The following USP16 variants were observed in gnomAD, a reference collection of about 807,000 sequenced individuals.
USP16 encodes ubiquitin carboxyl-terminal hydrolase 16.
A neutral mutation model predicts 95.9 loss-of-function variants in USP16; 77 were observed. The observed-to-expected ratio is 0.80, with a 90% CI of 0.67 to 0.97. The LOEUF is 0.97. USP16 is among the 50% of genes least tolerant of loss of function. The pLI, the probability that USP16 is intolerant of heterozygous loss-of-function variation, is 0.00. For synonymous variants in USP16, 303 were observed against 318.2 expected (o/e 0.95, Z 0.51); for missense variants, 943 against 959.9 (o/e 0.98, Z 0.23).
rs78364520 is a variant in USP16, at chr21:29,044,968, C to T, written c.1356+1369C>T. Among the ~76,000 whole-genome samples the T allele has an allele frequency of 8.5e-5, 13 of 152,210 alleles. No individual in the cohort carries two copies. The East Asian group carries it at 2.5e-3, about 29-fold the overall frequency. ...TGTAGTTTTGGTTGATACTAATTGTCCTTCACAAAGGTTGCTCCTGACCCT... is the reference window on the plus strand; with the variant it reads ...TGTAGTTTTGGTTGATACTAATTGTTCTTCACAAAGGTTGCTCCTGACCCT... On this transcript the variant is annotated intron_variant, in intron 13 of 17. Transcript: ENST00000399976.
Position 29,046,652 on chromosome 21 carries a change from A to T in USP16, c.1357-15A>T, listed in dbSNP as rs184092493. On this transcript the variant is annotated splice_polypyrimidine_tract_variant and intron_variant, in intron 13 of 17. Coordinates refer to ENST00000399976, the MANE Select transcript of USP16 (RefSeq NM_006447.3). The stretch of plus-strand genomic sequence containing the variant: ...CTTTTTCTTTATTTTTTGATGCCGT[A>T]TACTTTTTACCCAGAACCAACGAAG... 8.9e-6 allele frequency: 14 copies of T among 1,580,284 alleles called. No homozygotes were observed. In the East Asian group the frequency reaches 2.2e-4, roughly 25 times the overall value.
intron 13 of USP16, 60 bp from the exon 14 acceptor site, chr21:29,046,607 C>G: frequency 6.7e-7 from 1 of 1,500,980 alleles, no homozygotes; most frequent in Non-Finnish European, 8.9e-7. Flanking sequence ...ATCTCTCTTC[C>G]TCCTTTTCTC....
chr21:29,036,685 A>T (rs1349587756), intron 5 of USP16, among the ~76,000 whole-genome samples: 1 of 152,244 alleles, frequency 6.6e-6, no homozygotes, highest in Non-Finnish European at 1.5e-5. Flanking sequence ...ACATTTTGTA[A>T]TAGCAAGATT....
rs572886657 is a variant in USP16, at chr21:29,051,326, T to C, written c.2193+1148T>C. 2.0e-4 allele frequency among the ~76,000 whole-genome samples: 31 copies of C among 152,334 alleles called. 1 individual carries two copies. In the South Asian group the frequency reaches 6.4e-3, roughly 32 times the overall value. On this transcript the variant is annotated intron_variant, in intron 16 of 17. Transcript: ENST00000399976. ...TTTGGATATACATATCTGAGACCTA[T>C]AGCAGAGAGGTTAGGATGGGCCCAG...
chr21:29,043,192 C>T (rs908051838), intron 12 of USP16: 1 of 299,090 alleles, frequency 3.3e-6, no homozygotes, highest in East Asian at 5.4e-5. Flanking sequence ...ATTACACTTA[C>T]ATGTGATGTT....
intron 15 of USP16, among the ~76,000 whole-genome samples, chr21:29,049,781 G>A (rs2085386241): frequency 6.6e-6 from 1 of 152,090 alleles, no homozygotes; most frequent in African/African-American, 2.4e-5. Context: ...GGCTGATCTC[G>A]AACTCCTGGG....
chr21:29,053,574 G>C, intron 16 of USP16: 1 of 436,454 alleles, frequency 2.3e-6, no homozygotes, highest in Non-Finnish European at 4.0e-6. Flanking sequence ...TGCATCAAGT[G>C]GCCTGTGGCT....
chr21:29,024,679 G>T lies in USP16; in HGVS notation c.-140G>T. ...GCTTTCCAGGGGTCACTCTGGCTTCGACTCCGTCGCTCTCAATTCGTCACC... is the reference window on the plus strand; with the variant it reads ...GCTTTCCAGGGGTCACTCTGGCTTCTACTCCGTCGCTCTCAATTCGTCACC... On this transcript the variant is annotated 5_prime_UTR_variant, in exon 1 of 18. Coordinates refer to ENST00000399976, the MANE Select transcript of USP16 (RefSeq NM_006447.3). 7.8e-7 allele frequency: 1 copy of T among 1,286,238 alleles called. No individual in the cohort carries two copies. Among genetic ancestry groups the T allele is most frequent in the Non-Finnish European group, 1.0e-6 (1 of 986,026 alleles). 79.7% of individuals were successfully genotyped at this position (1,286,238 alleles called of 1,614,324 possible). A position where few individuals can be genotyped will look rare whatever the true frequency, so the allele number is the denominator to read the frequency against.
chr21:29,038,322 C>G lies in USP16; in HGVS notation c.637-13C>G, dbSNP rs1342885825. 5 of 1,551,010 alleles carry G rather than the reference C, an allele frequency of 3.2e-6. No homozygotes were observed. ...AAATAATTTTTCTCTTTTTTTTTCA[C>G]CCTACATTCTAGAACTTGTCACAAA... is the stretch of plus-strand genomic sequence containing the variant. On this transcript the variant is annotated splice_polypyrimidine_tract_variant and intron_variant, in intron 6 of 17. Coordinates refer to ENST00000399976, the MANE Select transcript of USP16 (RefSeq NM_006447.3).
chr21:29,027,900 C>T lies in USP16; in HGVS notation c.-14C>T. 6.2e-7 allele frequency: 1 copy of T among 1,613,106 alleles called. No individual in the cohort carries two copies. The highest frequency in any genetic ancestry group is 8.5e-7 in the Non-Finnish European group (1 of 1,179,562). ...TGTTATTTTGTGTCAGTAAGTAATC[C>T]ATAAAGTGCCAACATGGGAAAGAAA... is the stretch of plus-strand genomic sequence containing the variant. On this transcript the variant is annotated 5_prime_UTR_variant, in exon 2 of 18. Coordinates refer to ENST00000399976, the MANE Select transcript of USP16 (RefSeq NM_006447.3).
chr21:29,038,410 C>A lies in USP16; in HGVS notation c.712C>A (p.Pro238Thr). 1 of 1,611,932 alleles carries A rather than the reference C, an allele frequency of 6.2e-7. No individual in the cohort carries two copies. Among genetic ancestry groups the A allele is most frequent in the Non-Finnish European group, 8.5e-7 (1 of 1,178,542 alleles). Residue 238 changes from proline (P) to threonine (T), a missense_variant, in exon 7 of 18, where the codon CCA becomes ACA. Pro to Thr is a conservative substitution (Grantham distance 38). Coordinates refer to ENST00000399976, the MANE Select transcript of USP16 (RefSeq NM_006447.3). The stretch of plus-strand genomic sequence containing the variant: ...GTCTGGAACAATTGTAAAAATTGAA[C>A]CACCTGATTTGGCATTAACAGTATG... ...KMSGTIVKIE[P>T]PDLALTEPLE...
chr21:29,052,381 A>G (rs1037996215), intron 16 of USP16: 1 of 152,380 alleles, frequency 6.6e-6, no homozygotes, highest in African/African-American at 2.4e-5. Flanking sequence ...GTCATGGCGG[A>G]AGGCAAGGAG....
rs1482510114 is a variant in USP16 at position 29,039,071 on chromosome 21, G to A, written c.778G>A (p.Ala260Thr). 2 of 1,589,314 alleles carry A rather than the reference G, an allele frequency of 1.3e-6. No homozygotes were observed. Among genetic ancestry groups the A allele is most frequent in the Non-Finnish European group, 1.7e-6 (2 of 1,166,160 alleles). ...NLEPPGPLTL[A>T]MSQFLNEMQE... is the part of the protein sequence containing the mutation. ...TGAGCCTCCAGGCCCTCTTACTTTAGCCATGAGCCAGTTTCTTAATGAGAT... is the reference window on the plus strand; with the variant it reads ...TGAGCCTCCAGGCCCTCTTACTTTAACCATGAGCCAGTTTCTTAATGAGAT... Residue 260 changes from alanine (A) to threonine (T), a missense_variant, in exon 8 of 18, where the codon GCC becomes ACC. Coordinates refer to ENST00000399976, the MANE Select transcript of USP16 (RefSeq NM_006447.3).
intron 4 of USP16, among the ~76,000 whole-genome samples, 162 bp from the exon 5 acceptor site, chr21:29,036,109 A>T (rs969351416): frequency 1.3e-5 from 2 of 152,218 alleles, no homozygotes; most frequent in Admixed American, 1.3e-4. Context: ...AATAAACCAG[A>T]GTTAATATGC....
chr21:29,042,039 A>G lies in USP16; in HGVS notation c.1057A>G (p.Ser353Gly), dbSNP rs1057315681. 1.2e-6 allele frequency: 2 copies of G among 1,613,318 alleles called. No individual in the cohort carries two copies. The highest frequency in any genetic ancestry group is 3.3e-5 in the Admixed American group (2 of 59,976). The change falls in exon 11 of 18, where the codon AGT becomes GGT. Residue 353 changes from serine (S) to glycine (G), a missense_variant. Physicochemically the swap from Ser to Gly is moderately conservative, Grantham distance 56 (BLOSUM62 0). Transcript: ENST00000399976. ...TTATGAGAAGAAAAAATCAATGCCA[A>G]GTTTTGTTGACCGCATCTTTGGTGG... Reference protein sequence around the residue: ...KDYEKKKSMPSFVDRIFGGEL... With the variant: ...KDYEKKKSMPGFVDRIFGGEL...
In USP16 at chr21:29,046,883, G is replaced by A; in HGVS notation, c.1573G>A (p.Val525Ile). 3 of 1,614,124 alleles carry A rather than the reference G, an allele frequency of 1.9e-6. No homozygotes were observed. The highest frequency in any genetic ancestry group is 2.7e-5 in the African/African-American group (2 of 75,042). The stretch of plus-strand genomic sequence containing the variant: ...TGGCCAAGCAAAAATGATCGAAAGT[G>A]TAACTGACAATCAAAAATCCACAGA... ...LNGQAKMIES[V>I]TDNQKSTEEV... Residue 525 changes from valine to isoleucine, a missense_variant, in exon 14 of 18, where the codon GTA becomes ATA. Transcript: ENST00000399976.
intron 10 of USP16, 69 bp downstream of exon 10, chr21:29,040,756 G>A (rs2085232076): frequency 2.6e-6 from 2 of 765,540 alleles, no homozygotes. Flanking sequence ...AAGATTGCTG[G>A]CACATATATT....
At chr21:29,038,004 G>A (rs2085187623) in intron 6 of USP16, among the ~76,000 whole-genome samples, 2 of 152,206 alleles carry the variant, frequency 1.3e-5, no homozygotes, top group Admixed American at 6.5e-5. Context: ...CTTGGGTGGA[G>A]GAAACACAGG....
chr21:29,034,149 TAA>T (rs1334939802), intron 3 of USP16, among the ~76,000 whole-genome samples: 1 of 152,156 alleles, frequency 6.6e-6, no homozygotes, highest in Non-Finnish European at 1.5e-5. Flanking sequence ...TTAGGAACAC[TAA>T]ACTGAAAGAA....
Sources: gnomAD v4.1 joint callset for allele counts (sites outside exome capture counted in the v4.1 genomes callset) on GRCh38, gnomAD v4.1.1 for gene constraint, MANE v1.5 for transcripts, NCBI Gene and HGNC (gene_info 2026-07-23, HGNC 2026-07-21) for gene names.